Variants in NKAIN3 observed in about 807,000 individuals in gnomAD.
The protein encoded by NKAIN3 is sodium/potassium transporting ATPase interacting 3.
A neutral mutation model predicts 30.2 loss-of-function variants in NKAIN3; 25 were observed. The observed-to-expected ratio is 0.83, with a 90% confidence interval of 0.60 to 1.16. NKAIN3 has a LOEUF of 1.16. NKAIN3 is among the 50% of genes most tolerant of loss of function. The pLI is 0.00. For synonymous variants in NKAIN3, 91 were observed against 89.6 expected (o/e 1.02, Z -0.09); for missense variants, 225 against 254.1 (o/e 0.89, Z 0.78).
chr8:62,448,056 A>C (rs978326285), intron 1 of NKAIN3, among the ~76,000 whole-genome samples: 1 of 151,992 alleles, frequency 6.6e-6, no homozygotes. Context: ...GTTGGATTTA[A>C]GTAGCCATTC....
At chr8:62,422,407 A>G (rs1381937788) in intron 1 of NKAIN3, among the ~76,000 whole-genome samples, 1 of 152,164 alleles carries the variant, frequency 6.6e-6, no homozygotes, top group Non-Finnish European at 1.5e-5. Flanking sequence ...TTTGAATGCT[A>G]TGCCATGTAA....
At chr8:62,258,483 C>A (rs1221407232) in intron 1 of NKAIN3, among the ~76,000 whole-genome samples, 2 of 151,338 alleles carry the variant, frequency 1.3e-5, no homozygotes, top group African/African-American at 4.9e-5. Flanking sequence ...CCCCTCTCTC[C>A]AAAAAAAGGA....
At chr8:62,789,285 C>G (rs1426257948) in intron 4 of NKAIN3, among the ~76,000 whole-genome samples, 1 of 152,128 alleles carries the variant, frequency 6.6e-6, no homozygotes, top group Non-Finnish European at 1.5e-5. Flanking sequence ...ATTTTATTCT[C>G]TTTGAAGCAA....
intron 1 of NKAIN3, chr8:62,474,057 G>A (rs1051011540): frequency 6.6e-6 from 1 of 152,026 alleles, no homozygotes; most frequent in Non-Finnish European, 1.5e-5. Flanking sequence ...CTTGTCACCT[G>A]GCATTTCCAA....
intron 1 of NKAIN3, among the ~76,000 whole-genome samples, chr8:62,401,252 T>C (rs1259849770): frequency 6.6e-6 from 1 of 152,152 alleles, no homozygotes; most frequent in Non-Finnish European, 1.5e-5. Context: ...ATTGCATTTT[T>C]TTAACTCAGA....
chr8:62,520,148 G>A (rs531949230), intron 1 of NKAIN3, among the ~76,000 whole-genome samples: 9 of 152,210 alleles, frequency 5.9e-5, no homozygotes, highest in Middle Eastern at 3.4e-3. Flanking sequence ...CTGGGACTAT[G>A]TAGATATCCT....
Position 62,403,385 on chromosome 8 carries a change from A to G in NKAIN3, c.54+154258A>G, listed in dbSNP as rs139911180. 5.2e-3 allele frequency among the ~76,000 whole-genome samples: 791 copies of G among 152,350 alleles called. 6 individuals carry two copies. The highest frequency in any genetic ancestry group is 0.018 in the African/African-American group (737 of 41,584). ...CCAAGACAATGGGGAAAATGTCTCC[A>G]GGGCATGTCGGAGACCTTCATGGCA... On this transcript the variant is annotated intron_variant, in intron 1 of 6. Transcript: ENST00000623646.
chr8:62,670,038 G>A (rs1321525691), intron 3 of NKAIN3, among the ~76,000 whole-genome samples: 1 of 152,070 alleles, frequency 6.6e-6, no homozygotes, highest in Non-Finnish European at 1.5e-5. Context: ...TTTTCAGCTA[G>A]TCTTGGATAA....
chr8:62,329,555 A>C (rs1039496056), intron 1 of NKAIN3, among the ~76,000 whole-genome samples: 1 of 152,036 alleles, frequency 6.6e-6, no homozygotes, highest in Non-Finnish European at 1.5e-5. Context: ...TGTGTATTCA[A>C]TGTTTAGTTT....
chr8:62,363,310 G>T (rs1461456407), intron 1 of NKAIN3, among the ~76,000 whole-genome samples: 1 of 152,140 alleles, frequency 6.6e-6, no homozygotes, highest in Non-Finnish European at 1.5e-5. Flanking sequence ...ATGGGCCAGG[G>T]TCTTGTAAGG....
chr8:62,632,381 C>T (rs1811989273), intron 3 of NKAIN3, among the ~76,000 whole-genome samples: 1 of 152,172 alleles, frequency 6.6e-6, no homozygotes, highest in African/African-American at 2.4e-5. Context: ...ATACCTTTTA[C>T]ATATATTATT....
intron 1 of NKAIN3, among the ~76,000 whole-genome samples, chr8:62,373,190 G>A (rs1563369715): frequency 1.3e-5 from 2 of 151,936 alleles, no homozygotes; most frequent in Non-Finnish European, 2.9e-5. Flanking sequence ...TTTTTGGTTC[G>A]GATAAATAGA....
rs1363281562 is a variant in NKAIN3, at chr8:62,351,417, G to A, written c.54+102290G>A. 4.7e-5 allele frequency among the ~76,000 whole-genome samples: 7 copies of A among 149,366 alleles called. No homozygotes were observed. In the East Asian group the frequency reaches 5.8e-4, roughly 12 times the overall value. On this transcript the variant is annotated intron_variant, in intron 1 of 6. Coordinates refer to ENST00000623646, the MANE Select transcript of NKAIN3 (RefSeq NM_001304533.3). The stretch of plus-strand genomic sequence containing the variant: ...TAATTGTTTACTCTTACTTTTCCTC[G>A]GAATATTTTTGATCTTCATTTGGTT...
chr8:62,319,060 G>C (rs1012661714), intron 1 of NKAIN3, among the ~76,000 whole-genome samples: 53 of 152,224 alleles, frequency 3.5e-4, no homozygotes, highest in Non-Finnish European at 6.8e-4. Context: ...GTTTAGTCTT[G>C]GGAGGGTGTA....
At chr8:62,294,899 A>C (rs2129587378) in intron 1 of NKAIN3, among the ~76,000 whole-genome samples, 1 of 152,208 alleles carries the variant, frequency 6.6e-6, no homozygotes, top group South Asian at 2.1e-4. Context: ...TCTAGAGAGG[A>C]CTCAACACTT....
At chr8:62,457,588 G>A (rs1427066684) in intron 1 of NKAIN3, among the ~76,000 whole-genome samples, 1 of 152,098 alleles carries the variant, frequency 6.6e-6, no homozygotes, top group Non-Finnish European at 1.5e-5. Flanking sequence ...TTTTAAAGAT[G>A]CTTCCTAATT....
chr8:62,594,964 G>A (rs1355433208), intron 3 of NKAIN3, among the ~76,000 whole-genome samples: 1 of 151,738 alleles, frequency 6.6e-6, no homozygotes, highest in Non-Finnish European at 1.5e-5. Context: ...AAGACAAGAA[G>A]AAACACCATT....
intron 1 of NKAIN3, among the ~76,000 whole-genome samples, chr8:62,407,718 C>T (rs1804118669): frequency 6.6e-6 from 1 of 152,062 alleles, no homozygotes; most frequent in Admixed American, 6.6e-5. Flanking sequence ...GGCGTGAGCC[C>T]CCGTGCCCAG....
chr8:62,469,040 C>G (rs1358517758), intron 1 of NKAIN3, among the ~76,000 whole-genome samples: 1 of 152,196 alleles, frequency 6.6e-6, no homozygotes, highest in Admixed American at 6.5e-5. Context: ...CCACCCTCCT[C>G]TGGCCTGTCA....
Sources: gnomAD v4.1 joint callset for allele counts (sites outside exome capture counted in the v4.1 genomes callset) on GRCh38, gnomAD v4.1.1 for gene constraint, MANE v1.5 for transcripts, NCBI Gene and HGNC (gene_info 2026-07-23, HGNC 2026-07-21) for gene names.